PTPRG: variants seen among roughly 807,000 people sequenced by gnomAD.
PTPRG encodes the protein protein tyrosine phosphatase receptor type G.
A neutral mutation model predicts 165.3 loss-of-function variants in PTPRG; 102 were observed. The observed-to-expected ratio is 0.62, with a 90% CI of 0.53 to 0.73. The LOEUF is 0.73. Among genes scored for constraint, PTPRG ranks in the 30% least tolerant of loss-of-function variants. PTPRG has a pLI of 0.00. For synonymous variants in PTPRG, 675 were observed against 669.5 expected (o/e 1.01, Z -0.13); for missense variants, 1,866 against 1,861.4 (o/e 1.00, Z -0.05).
chr3:61,853,323 C>T (rs1302747169), intron 2 of PTPRG, among the ~76,000 whole-genome samples: 4 of 152,158 alleles, frequency 2.6e-5, no homozygotes, highest in African/African-American at 4.8e-5. Context: ...GATCAGTTGA[C>T]GATGGCAGAG....
Position 62,203,393 on chromosome 3 carries a change from T to C in PTPRG, c.1598T>C (p.Val533Ala). 1 of 1,613,446 alleles carries C rather than the reference T, an allele frequency of 6.2e-7. No individual in the cohort carries two copies. Among genetic ancestry groups the C allele is most frequent in the Middle Eastern group, 1.7e-4 (1 of 6,060 alleles). ...GGCATCTCCTCTTTCCCCAGCACTGTGTGGCCCACGCGCCTCCCGACGGCC... is the reference window on the plus strand; with the variant it reads ...GGCATCTCCTCTTTCCCCAGCACTGCGTGGCCCACGCGCCTCCCGACGGCC... ...GGGISSFPST[V>A]WPTRLPTAAS... Residue 533 changes from valine to alanine, a missense_variant, in exon 12 of 30, where the codon GTG (valine) becomes GCG (alanine). By Grantham distance (64) the Val-to-Ala change is moderately conservative. This residue lies in a region of PTPRG where 1,452 missense variants were observed against 1,463.0 expected (regional missense o/e 0.99). Coordinates refer to ENST00000474889, the MANE Select transcript of PTPRG (RefSeq NM_002841.4). This position sits in a 1 kb window ranked among gnomAD's most constrained non-coding sequence, Gnocchi z 6.4.
At chr3:61,869,968 C>T (rs1023264143) in intron 2 of PTPRG, among the ~76,000 whole-genome samples, 8 of 151,992 alleles carry the variant, frequency 5.3e-5, no homozygotes, top group African/African-American at 1.9e-4. Context: ...TCCTATATAC[C>T]TAGTGCCACC....
chr3:61,961,093 T>C (rs968519661), intron 2 of PTPRG, among the ~76,000 whole-genome samples: 1 of 152,220 alleles, frequency 6.6e-6, no homozygotes, highest in Non-Finnish European at 1.5e-5. Flanking sequence ...TAAAAAACTT[T>C]GGCATCAACA....
rs953667003 is a variant in PTPRG, at chr3:62,109,029, A to G, written c.616-23573A>G. Among the ~76,000 whole-genome samples the G allele has an allele frequency of 2.6e-5, 4 of 152,104 alleles. No homozygotes were observed. In the South Asian group the frequency reaches 6.2e-4, roughly 24 times the overall value. ...CCCTGATGATAGTTTCTTTTGCTGT[A>G]CAGAAGCTCTTTAGTTTAATTAGAT... On this transcript the variant is annotated intron_variant, in intron 5 of 29. Transcript: ENST00000474889.
In PTPRG at chr3:62,231,269, G is replaced by T; in HGVS notation, c.2333G>T (p.Arg778Leu). 6.3e-7 allele frequency: 1 copy of T among 1,596,186 alleles called. No individual in the cohort carries two copies. Among genetic ancestry groups the T allele is most frequent in the Non-Finnish European group, 8.5e-7 (1 of 1,171,038 alleles). The change falls in exon 14 of 30, where the codon CGT becomes CTT. Residue 778 changes from arginine (R) to leucine (L), a missense_variant. Coordinates refer to ENST00000474889, the MANE Select transcript of PTPRG (RefSeq NM_002841.4). ...IKSKGFPRRF[R>L]EVPSSGERGE... ...TCCAAGGGCTTTCCCAGACGTTTCCGTGAAGTGCCTTCTTCTGGGGAGAGA... is the reference window on the plus strand; with the variant it reads ...TCCAAGGGCTTTCCCAGACGTTTCCTTGAAGTGCCTTCTTCTGGGGAGAGA...
At chr3:61,933,726 TC>T (rs941056198) in intron 2 of PTPRG, among the ~76,000 whole-genome samples, 35 of 152,192 alleles carry the variant, frequency 2.3e-4, no homozygotes, top group African/African-American at 8.4e-4. Flanking sequence ...CTCTCCATTT[TC>T]TAGAGTGTTT....
At chr3:61,987,397 GTC>G (rs1261261634) in intron 2 of PTPRG, among the ~76,000 whole-genome samples, 1 of 152,162 alleles carries the variant, frequency 6.6e-6, no homozygotes, top group African/African-American at 2.4e-5. Context: ...TTTTACCCAT[GTC>G]TGGAAGGTTA....
chr3:61,952,005 C>T (rs1195354445), intron 2 of PTPRG, among the ~76,000 whole-genome samples: 8 of 150,412 alleles, frequency 5.3e-5, no homozygotes, highest in Non-Finnish European at 7.4e-5. Context: ...GTAATCTCAG[C>T]GACTTGGGAG....
chr3:62,253,546 A>G (rs1198237338), intron 15 of PTPRG, among the ~76,000 whole-genome samples: 2 of 152,116 alleles, frequency 1.3e-5, no homozygotes, highest in Non-Finnish European at 2.9e-5. Flanking sequence ...ACTTGAGATC[A>G]TTTTCATTGC....
intron 12 of PTPRG, among the ~76,000 whole-genome samples, chr3:62,208,437 A>C (rs1368667018): frequency 6.6e-6 from 1 of 152,104 alleles, no homozygotes; most frequent in Non-Finnish European, 1.5e-5. Context: ...AAATTAGGGA[A>C]ACTCTTTTTT....
intron 1 of PTPRG, chr3:61,739,079 C>G (rs1379388401): frequency 7.0e-6 from 1 of 142,252 alleles, no homozygotes. Context: ...CCCTGGTTGG[C>G]CTTCCAAAGT....
intron 14 of PTPRG, 28 bp downstream of exon 14, chr3:62,231,339 G>T (rs1189764845): frequency 1.3e-6 from 2 of 1,519,938 alleles, no homozygotes; most frequent in African/African-American, 2.8e-5. Flanking sequence ...TTAAGTGGGG[G>T]GCGTCTTGAT....
At chr3:61,909,681 T>C (rs2107537660) in intron 2 of PTPRG, among the ~76,000 whole-genome samples, 1 of 150,144 alleles carries the variant, frequency 6.7e-6, no homozygotes, top group African/African-American at 2.5e-5. Context: ...CCATGGCATC[T>C]GACCTCAACT....
intron 1 of PTPRG, among the ~76,000 whole-genome samples, chr3:61,716,457 T>C (rs1337244506): frequency 2.0e-5 from 3 of 152,206 alleles, no homozygotes; most frequent in Admixed American, 6.5e-5. Context: ...GGATTATTAA[T>C]ATTTAAGTCA....
chr3:61,659,244 C>T (rs975015634), intron 1 of PTPRG: 3 of 910,818 alleles, frequency 3.3e-6, no homozygotes, highest in Admixed American at 1.2e-4. Context: ...TAGATGTTCT[C>T]AGGGCTTCAT....
chr3:62,073,561 C>T (rs1701279589), intron 4 of PTPRG, among the ~76,000 whole-genome samples: 1 of 152,112 alleles, frequency 6.6e-6, no homozygotes, highest in African/African-American at 2.4e-5. Flanking sequence ...TCACCACAAC[C>T]TCCGTCTCCC....
intron 2 of PTPRG, among the ~76,000 whole-genome samples, chr3:61,940,632 A>T (rs1232684323): frequency 6.6e-6 from 1 of 151,548 alleles, no homozygotes; most frequent in African/African-American, 2.4e-5. Context: ...ATTGATTTCT[A>T]TGGATTCAGT....
intron 12 of PTPRG, among the ~76,000 whole-genome samples, chr3:62,215,764 G>C (rs983560651): frequency 2.6e-5 from 4 of 152,126 alleles, no homozygotes; most frequent in African/African-American, 9.7e-5. Context: ...TCACCCTGTA[G>C]AGGAGGAGAG....
intron 5 of PTPRG, among the ~76,000 whole-genome samples, chr3:62,109,872 C>A (rs9866809): frequency 0.12 from 18,428 of 152,082 alleles, 1,194 homozygotes; most frequent in African/African-American, 0.15. Flanking sequence ...TGTGCTGGTC[C>A]GCTCTCACTC....
Sources: allele counts gnomAD v4.1 joint callset (sites outside exome capture counted in the v4.1 genomes callset), GRCh38; gene constraint gnomAD v4.1.1; regional missense constraint gnomAD v4.1.1; non-coding constraint Gnocchi (gnomAD v3.1); transcripts MANE v1.5; gene names NCBI Gene and HGNC (gene_info 2026-07-23, HGNC 2026-07-21).